The following KCNIP1 variants were observed in gnomAD, a reference collection of about 807,000 sequenced individuals.
KCNIP1 encodes the protein A-type potassium channel modulatory protein KCNIP1.
A neutral mutation model predicts 33.0 loss-of-function variants in KCNIP1; 18 were observed. That is an observed-to-expected ratio of 0.55 (90% CI 0.38 to 0.81). The LOEUF (loss-of-function observed/expected upper bound fraction) is 0.81. Among genes scored for constraint, KCNIP1 ranks in the 30% least tolerant of loss-of-function variants. KCNIP1 has a pLI of 0.00. For synonymous variants in KCNIP1, 93 were observed against 98.3 expected, an observed-to-expected ratio of 0.95 and a Z score of 0.32; for missense variants, 238 against 271.6, an observed-to-expected ratio of 0.88 and a Z score of 0.87.
chr5:170,385,724 T>C (rs879342618), intron 1 of KCNIP1, among the ~76,000 whole-genome samples: 5 of 131,414 alleles, frequency 3.8e-5, no homozygotes, highest in African/African-American at 5.9e-5. Context: ...ACACAGTATG[T>C]AATAGGCTCA....
intron 1 of KCNIP1, among the ~76,000 whole-genome samples, chr5:170,555,090 A>G (rs527889906): frequency 8.5e-5 from 13 of 152,246 alleles, no homozygotes; most frequent in Admixed American, 3.9e-4. Flanking sequence ...TCCCAGCCCC[A>G]TCTTCTCAGA....
chr5:170,714,889 A>C (rs1332181879), intron 1 of KCNIP1, among the ~76,000 whole-genome samples: 1 of 151,594 alleles, frequency 6.6e-6, no homozygotes, highest in Non-Finnish European at 1.5e-5. Flanking sequence ...TTTCTTATTG[A>C]AAAAAAAATT....
chr5:170,425,783 T>C (rs78825615), intron 1 of KCNIP1, among the ~76,000 whole-genome samples: 4,063 of 152,192 alleles, frequency 0.027, 79 homozygotes, highest in African/African-American at 0.058. Flanking sequence ...CCCTACGCCC[T>C]AGCAAGATCT....
At chr5:170,521,722 C>T (rs1755369535) in intron 1 of KCNIP1, among the ~76,000 whole-genome samples, 1 of 152,212 alleles carries the variant, frequency 6.6e-6, no homozygotes, top group Non-Finnish European at 1.5e-5. Context: ...ATTTAACACT[C>T]CTTTGGCTGA....
intron 1 of KCNIP1, among the ~76,000 whole-genome samples, chr5:170,591,329 G>A (rs759775352): frequency 7.9e-5 from 12 of 152,132 alleles, no homozygotes; most frequent in Non-Finnish European, 1.3e-4. Flanking sequence ...TGTATTCTCA[G>A]GACTTGGACA....
intron 1 of KCNIP1, among the ~76,000 whole-genome samples, chr5:170,699,556 GAA>G (rs35103942): frequency 5.4e-5 from 6 of 111,950 alleles, no homozygotes; most frequent in East Asian, 2.1e-4. Context: ...ATTGCTCTGT[GAA>G]AAAAAAAAAA....
chr5:170,522,252 A>G (rs1321662570), intron 1 of KCNIP1, among the ~76,000 whole-genome samples: 2 of 152,218 alleles, frequency 1.3e-5, no homozygotes, highest in Non-Finnish European at 2.9e-5. Context: ...AGGCCTGTGT[A>G]ATCCTGATGT....
intron 1 of KCNIP1, among the ~76,000 whole-genome samples, chr5:170,630,157 GAGA>G (rs150223983): frequency 0.02 from 3,092 of 152,314 alleles, 80 homozygotes; most frequent in African/African-American, 0.069. Flanking sequence ...GAGGGATACA[GAGA>G]AGATCTAGGC....
rs1004309437 is a variant in KCNIP1 at position 170,353,691 on chromosome 5, G to A, written c.-186G>A. On this transcript the variant is annotated 5_prime_UTR_variant, in exon 1 of 8. Transcript: ENST00000377360. ...AGAGGGAGGGAGAGTTTGCCCTGCAGGCTCTCTGGATGCAGAAGCCAGACT... is the reference window on the plus strand; with the variant it reads ...AGAGGGAGGGAGAGTTTGCCCTGCAAGCTCTCTGGATGCAGAAGCCAGACT... 3 of 613,930 alleles carry A rather than the reference G, an allele frequency of 4.9e-6. No individual in the cohort carries two copies. The African/African-American group carries it at 5.5e-5, about 11-fold the overall frequency. 38.0% of individuals were successfully genotyped at this position (613,930 alleles called of 1,614,324 possible). A position where few individuals can be genotyped will look rare whatever the true frequency, so the allele number is the denominator to read the frequency against.
chr5:170,354,496 G>A (rs974822480), intron 1 of KCNIP1, among the ~76,000 whole-genome samples: 1 of 152,288 alleles, frequency 6.6e-6, no homozygotes, highest in South Asian at 2.1e-4. Flanking sequence ...CCAGCGTCTC[G>A]TGCTTCTGGG....
intron 1 of KCNIP1, among the ~76,000 whole-genome samples, chr5:170,493,402 T>G (rs1757247327): frequency 6.6e-6 from 1 of 152,198 alleles, no homozygotes; most frequent in Non-Finnish European, 1.5e-5. Flanking sequence ...AGGTTGCATA[T>G]AGAAGCTAGG....
rs375823198 is a variant in KCNIP1, at chr5:170,528,424, C to A, written c.61+23791C>A. The stretch of plus-strand genomic sequence containing the variant: ...CTGTGTAATTTGCAAGCTGGGTGAC[C>A]TTCCTTATCTATAGAATGGGCTCTC... On this transcript the variant is annotated intron_variant, in intron 1 of 7. Transcript: ENST00000328939. Among the ~76,000 whole-genome samples, 5 of 152,324 alleles carry A rather than the reference C, an allele frequency of 3.3e-5. No homozygotes were observed. In the South Asian group the frequency reaches 1.0e-3, roughly 32 times the overall value.
chr5:170,482,266 G>A (rs9313505), intron 1 of KCNIP1, among the ~76,000 whole-genome samples: 68,252 of 151,900 alleles, frequency 0.45, 18,112 homozygotes, highest in African/African-American at 0.74. Flanking sequence ...TCTTCCCCCA[G>A]CAGTGCCCAT....
intron 1 of KCNIP1, among the ~76,000 whole-genome samples, chr5:170,492,755 C>CTATTTATTTATTTATT (rs75367874): frequency 9.3e-5 from 14 of 150,462 alleles, no homozygotes; most frequent in Middle Eastern, 3.4e-3. Context: ...AAATATCTAT[C>CTATTTATTTATTTATT]TATTTATTTA....
At chr5:170,378,982 A>T in intron 1 of KCNIP1, 1 of 1,612,592 alleles carries the variant, frequency 6.2e-7, no homozygotes. Flanking sequence ...CACTGTGGGG[A>T]GAAACAAGAG....
chr5:170,390,433 G>A (rs1764671361), intron 1 of KCNIP1, among the ~76,000 whole-genome samples: 1 of 149,608 alleles, frequency 6.7e-6, no homozygotes, highest in Non-Finnish European at 1.5e-5. Context: ...TTGAACCTGG[G>A]AGGCGGAGGT....
intron 1 of KCNIP1, among the ~76,000 whole-genome samples, chr5:170,396,864 G>T (rs1342846987): frequency 6.6e-6 from 1 of 152,202 alleles, no homozygotes; most frequent in Non-Finnish European, 1.5e-5. Context: ...AAAAGACTTA[G>T]AAAGGGAAGG....
chr5:170,445,864 T>C (rs1178574563), intron 1 of KCNIP1, among the ~76,000 whole-genome samples: 1 of 152,226 alleles, frequency 6.6e-6, no homozygotes, highest in African/African-American at 2.4e-5. Flanking sequence ...CCTTCAATCC[T>C]AACTCTTTAA....
intron 1 of KCNIP1, among the ~76,000 whole-genome samples, chr5:170,509,888 C>G (rs72832722): frequency 0.27 from 41,495 of 152,106 alleles, 5,837 homozygotes; most frequent in East Asian, 0.4. Flanking sequence ...GAAACAAAAG[C>G]AGGGACTGAC....
Sources: gnomAD v4.1 joint callset for allele counts (sites outside exome capture counted in the v4.1 genomes callset) on GRCh38, gnomAD v4.1.1 for gene constraint, MANE v1.5 for transcripts, NCBI Gene and HGNC (gene_info 2026-07-23, HGNC 2026-07-21) for gene names.